Variants in MAGI1 observed in about 807,000 individuals in gnomAD.
MAGI1 encodes membrane associated guanylate kinase, WW and PDZ domain containing 1, also known as membrane-associated guanylate kinase, WW and PDZ domain-containing protein 1.
A neutral mutation model predicts 139.9 loss-of-function variants in MAGI1; 58 were observed. The observed-to-expected ratio is 0.41, with a 90% CI of 0.34 to 0.52. The LOEUF is 0.52. Among genes scored for constraint, MAGI1 ranks in the 20% least tolerant of loss-of-function variants. MAGI1 has a pLI of 0.12. For missense variants in MAGI1, 1,874 were observed against 1,901.6 expected (o/e 0.99, Z 0.27); for synonymous variants, 812 against 737.9 (o/e 1.10, Z -1.63).
At chr3:65,404,495 C>A (rs1015804102) in intron 12 of MAGI1, among the ~76,000 whole-genome samples, 3 of 152,166 alleles carry the variant, frequency 2.0e-5, no homozygotes, top group Non-Finnish European at 4.4e-5. Flanking sequence ...CCTTTTACAG[C>A]AGCCCAAAAG....
At chr3:65,692,147 A>G (rs549314125) in intron 1 of MAGI1, among the ~76,000 whole-genome samples, 4 of 152,306 alleles carry the variant, frequency 2.6e-5, no homozygotes, top group Middle Eastern at 3.4e-3. Context: ...CCTAGATCAG[A>G]TGTTCTAACT....
chr3:65,608,746 C>T (rs185717696), intron 2 of MAGI1, among the ~76,000 whole-genome samples: 1 of 152,290 alleles, frequency 6.6e-6, no homozygotes. Flanking sequence ...TACAGCAGAA[C>T]ATATGACGAC....
At chr3:65,978,145 T>C (rs939115495) in intron 1 of MAGI1, among the ~76,000 whole-genome samples, 1 of 152,242 alleles carries the variant, frequency 6.6e-6, no homozygotes, top group South Asian at 2.1e-4. Context: ...TTACACTGTA[T>C]GGAAAATTTA....
At chr3:65,455,126 C>CA (rs1381524892) in intron 5 of MAGI1, among the ~76,000 whole-genome samples, 1 of 152,030 alleles carries the variant, frequency 6.6e-6, no homozygotes, top group Non-Finnish European at 1.5e-5. Context: ...GTGTTTAAAA[C>CA]AAAAATAACT....
chr3:65,436,001 A>C (rs1947821792), intron 10 of MAGI1, among the ~76,000 whole-genome samples: 1 of 152,164 alleles, frequency 6.6e-6, no homozygotes, highest in Non-Finnish European at 1.5e-5. Flanking sequence ...CACAAAACTG[A>C]GGACTCCACA....
At chr3:65,891,597 G>A (rs555126782) in intron 1 of MAGI1, among the ~76,000 whole-genome samples, 13 of 151,698 alleles carry the variant, frequency 8.6e-5, no homozygotes, top group Admixed American at 3.9e-4. Context: ...AGGAGTCAAC[G>A]TGATACACAA....
chr3:65,837,379 A>G (rs2042872472), intron 1 of MAGI1, among the ~76,000 whole-genome samples: 1 of 152,186 alleles, frequency 6.6e-6, no homozygotes. Context: ...ATATGAAAAT[A>G]GGGATGGTTG....
Position 66,016,471 on chromosome 3 carries a change from G to A in MAGI1, c.313+21525C>T, listed in dbSNP as rs11921342. ...GGTCGACTGGGTCAAAGCTGATGGC[G>A]GGACCGAAGAACAGCTGACCAATAC... On this transcript the variant is annotated intron_variant, in intron 1 of 22. Coordinates refer to ENST00000402939, the MANE Select transcript of MAGI1 (RefSeq NM_001033057.2). 4.0e-3 allele frequency among the ~76,000 whole-genome samples: 606 copies of A among 152,258 alleles called. 4 individuals carry two copies. The highest frequency in any genetic ancestry group is 0.014 in the African/African-American group (582 of 41,538).
Position 65,979,107 on chromosome 3 carries a change from C to T in MAGI1, c.313+58889G>A, listed in dbSNP as rs571689295. Reference sequence around the variant, plus strand: ...TTTTCTTCCCCCCCCCCGCCACCCCCCACAGCTACTCACAGAGATATCAAG... The same window carrying T: ...TTTTCTTCCCCCCCCCCGCCACCCCTCACAGCTACTCACAGAGATATCAAG... On this transcript the variant is annotated intron_variant, in intron 1 of 22. Transcript: ENST00000402939. Among the ~76,000 whole-genome samples the T allele has an allele frequency of 5.5e-3, 746 of 136,574 alleles. 11 individuals carry two copies. The highest frequency in any genetic ancestry group is 9.5e-3 in the Non-Finnish European group (613 of 64,312). 89.6% of individuals were successfully genotyped at this position (136,574 alleles called of 152,430 possible). A position where few individuals can be genotyped will look rare whatever the true frequency, so the allele number is the denominator to read the frequency against.
At chr3:65,450,053 G>C (rs1164483722) in intron 6 of MAGI1, among the ~76,000 whole-genome samples, 1 of 152,160 alleles carries the variant, frequency 6.6e-6, no homozygotes, top group Non-Finnish European at 1.5e-5. Context: ...AAATATAAGA[G>C]TATAGTGAAA....
At chr3:65,548,023 G>A (rs1295994325) in intron 2 of MAGI1, among the ~76,000 whole-genome samples, 1 of 152,152 alleles carries the variant, frequency 6.6e-6, no homozygotes, top group East Asian at 1.9e-4. Context: ...CCATCCCAGA[G>A]CTCCTCAAGC....
intron 1 of MAGI1, among the ~76,000 whole-genome samples, chr3:65,954,169 C>T (rs1034484194): frequency 2.6e-5 from 4 of 152,124 alleles, no homozygotes; most frequent in Non-Finnish European, 5.9e-5. Context: ...AGATTAACAA[C>T]CTTGGGGGAA....
intron 1 of MAGI1, among the ~76,000 whole-genome samples, chr3:65,890,804 C>T (rs1219806894): frequency 6.6e-6 from 1 of 152,244 alleles, no homozygotes; most frequent in Non-Finnish European, 1.5e-5. Context: ...CAATAAGCTA[C>T]ATTGATTGAA....
At position 65,366,532 on chromosome 3, in the gene MAGI1, T is replaced by G. The variant is rs113974254; in HGVS notation, c.3197-1586A>C. On this transcript the variant is annotated intron_variant, in intron 18 of 22. Transcript: ENST00000402939. ...CTGGGGAGGTGGTGTTTCTCAGGCT[T>G]ACTGGGAGACAGTTTAGCACAATGG... Among the ~76,000 whole-genome samples, 897 of 152,270 alleles carry G rather than the reference T, an allele frequency of 5.9e-3. 7 individuals are homozygous for G. The highest frequency in any genetic ancestry group is 0.021 in the African/African-American group (860 of 41,538).
intron 14 of MAGI1, among the ~76,000 whole-genome samples, chr3:65,385,376 A>G (rs1475741828): frequency 3.3e-5 from 5 of 152,194 alleles, no homozygotes; most frequent in African/African-American, 7.2e-5. Flanking sequence ...AGTTGCAGTG[A>G]ATCCTAAAGG....
In MAGI1 at chr3:65,803,974, C is replaced by A. The variant is rs372032174; in HGVS notation, c.314-181886G>T. On this transcript the variant is annotated intron_variant, in intron 1 of 22. Coordinates refer to ENST00000402939, the MANE Select transcript of MAGI1 (RefSeq NM_001033057.2). Reference sequence around the variant, plus strand: ...ATTGTAACCAAGATTCAGGAAGACTCCTTAAACCTTTAAGACAATCATGAT... The same window carrying A: ...ATTGTAACCAAGATTCAGGAAGACTACTTAAACCTTTAAGACAATCATGAT... Among the ~76,000 whole-genome samples, 26 of 152,322 alleles carry A rather than the reference C, an allele frequency of 1.7e-4. No individual in the cohort carries two copies. In the East Asian group the frequency reaches 4.4e-3, roughly 26 times the overall value.
intron 1 of MAGI1, among the ~76,000 whole-genome samples, chr3:65,855,117 C>CG (rs1300773334): frequency 1.3e-5 from 2 of 152,054 alleles, no homozygotes; most frequent in East Asian, 3.9e-4. Context: ...CCGTGGGGGG[C>CG]GGGGGTGAGT....
intron 1 of MAGI1, among the ~76,000 whole-genome samples, chr3:65,723,981 C>T (rs191189918): frequency 1.3e-5 from 2 of 152,240 alleles, no homozygotes; most frequent in African/African-American, 2.4e-5. Context: ...TTCAAAAATC[C>T]CATCAATTGC....
intron 1 of MAGI1, among the ~76,000 whole-genome samples, chr3:65,749,613 C>T (rs1240823186): frequency 1.3e-5 from 2 of 151,372 alleles, no homozygotes; most frequent in African/African-American, 4.9e-5. Context: ...TCTCAGAAAT[C>T]ACCACTAAAA....
Sources: gnomAD v4.1 joint callset for allele counts (sites outside exome capture counted in the v4.1 genomes callset) on GRCh38, gnomAD v4.1.1 for gene constraint, MANE v1.5 for transcripts, NCBI Gene and HGNC (gene_info 2026-07-23, HGNC 2026-07-21) for gene names.